RARB: variants seen among roughly 807,000 people sequenced by gnomAD.
RARB encodes the protein retinoic acid receptor beta, also known as HBV-activated protein.
In RARB, 17 loss-of-function variants were observed where a neutral mutation model predicts 51.9. The ratio of observed to expected loss-of-function variants is 0.33; its 90% CI spans 0.22 to 0.49. The LOEUF (loss-of-function observed/expected upper bound fraction) is 0.49. Among genes scored for constraint, RARB ranks in the 20% least tolerant of loss-of-function variants. The pLI, the probability that RARB is intolerant of heterozygous loss-of-function variation, is 0.99. For synonymous variants in RARB, 215 were observed against 195.4 expected (o/e 1.10, Z -0.84); for missense variants, 369 against 550.8 (o/e 0.67, Z 3.30).
At position 25,210,445 on chromosome 3, in the gene RARB, T is replaced by C. The variant is rs1470163587; in HGVS notation, c.178+35870T>C. Among the ~76,000 whole-genome samples, 4 of 152,076 alleles carry C rather than the reference T, an allele frequency of 2.6e-5. No homozygotes were observed. In the East Asian group the frequency reaches 7.7e-4, roughly 29 times the overall value. On this transcript the variant is annotated intron_variant, in intron 5 of 11. Coordinates refer to the RARB transcript ENST00000383772. Reference sequence around the variant, plus strand: ...CCAGCTATGCCCATTCACTTATGTGTTATATATGGGTGTTTTCTCACCACA... The same window carrying C: ...CCAGCTATGCCCATTCACTTATGTGCTATATATGGGTGTTTTCTCACCACA...
intron 5 of RARB, among the ~76,000 whole-genome samples, chr3:25,325,275 G>A (rs574149230): frequency 5.9e-5 from 9 of 152,216 alleles, no homozygotes; most frequent in Admixed American, 1.3e-4. Flanking sequence ...TATAATTTGC[G>A]TGTAATGAGC....
intron 5 of RARB, among the ~76,000 whole-genome samples, chr3:25,314,485 TTG>T (rs1381410795): frequency 9.2e-5 from 14 of 152,306 alleles, no homozygotes; most frequent in African/African-American, 2.4e-4. Context: ...TTTAAGTTTC[TTG>T]TGTTGCAACC....
rs35710364 is a variant in RARB at position 25,156,516 on chromosome 3, C to CAA, written c.-279-17573_-279-17572dup. Among the ~76,000 whole-genome samples, 185 of 56,820 alleles carry CAA rather than the reference C, an allele frequency of 3.3e-3. 29 individuals carry two copies. The highest frequency in any genetic ancestry group is 0.011 in the African/African-American group (143 of 13,580). The allele number at this position is 56,820 out of a possible 152,430, so 37.3% of individuals were successfully genotyped here. ...ATCACACAAATTCTAGCCCCAACTG[C>CAA]AAAAAAAAAAAAAAAAAAAAAAAAA... On this transcript the variant is annotated intron_variant, in intron 4 of 11. Coordinates refer to the RARB transcript ENST00000383772.
At chr3:25,525,201 C>T (rs1344486991) in intron 3 of RARB, among the ~76,000 whole-genome samples, 2 of 152,142 alleles carry the variant, frequency 1.3e-5, no homozygotes, top group Non-Finnish European at 2.9e-5. Flanking sequence ...ATAGAACACT[C>T]AAAGATCTAG....
chr3:25,580,739 G>T lies in RARB; in HGVS notation c.786+17G>T. ...GACATCCTGGTATGTGCCTTTTTGA[G>T]CTCTCAATGGGTCTGGGGAGGGAGA... is the stretch of plus-strand genomic sequence containing the variant. On this transcript the variant is annotated intron_variant, in intron 5 of 7. Transcript: ENST00000330688. The T allele has an allele frequency of 6.3e-7, 1 of 1,589,008 alleles. No individual in the cohort carries two copies. Among genetic ancestry groups the T allele is most frequent in the Non-Finnish European group, 8.6e-7 (1 of 1,160,806 alleles).
intron 5 of RARB, among the ~76,000 whole-genome samples, chr3:25,327,133 G>A (rs1033031752): frequency 3.3e-5 from 5 of 152,114 alleles, no homozygotes; most frequent in African/African-American, 4.8e-5. Context: ...GAGGGAGCAG[G>A]GAAGAGAGAT....
rs181546164 is a variant in RARB at position 25,220,501 on chromosome 3, T to C, written c.178+45926T>C. Among the ~76,000 whole-genome samples the C allele has an allele frequency of 4.4e-3, 676 of 152,294 alleles. 4 individuals carry two copies. Among genetic ancestry groups the C allele is most frequent in the African/African-American group, 0.015 (630 of 41,562 alleles). On this transcript the variant is annotated intron_variant, in intron 5 of 11. Transcript: ENST00000383772. ...ATCTCAAAATTATAATCCCCATAATTCCCACGTATCAAGGGAGAGACCACA... is the reference window on the plus strand; with the variant it reads ...ATCTCAAAATTATAATCCCCATAATCCCCACGTATCAAGGGAGAGACCACA...
At chr3:25,386,577 G>A (rs1290843056) in intron 5 of RARB, among the ~76,000 whole-genome samples, 1 of 152,184 alleles carries the variant, frequency 6.6e-6, no homozygotes, top group East Asian at 1.9e-4. Context: ...CTGGATTCAG[G>A]CGGAGGCCTT....
chr3:25,565,238 T>C, intron 3 of RARB, among the ~76,000 whole-genome samples: 1 of 152,162 alleles, frequency 6.6e-6, no homozygotes, highest in East Asian at 1.9e-4. Context: ...TCAGGCAGGG[T>C]ACTCACCTTC....
At chr3:25,220,858 C>T (rs1701932402) in intron 5 of RARB, among the ~76,000 whole-genome samples, 2 of 152,286 alleles carry the variant, frequency 1.3e-5, no homozygotes, top group African/African-American at 4.8e-5. Context: ...GGCAAGTCAT[C>T]TTTTAAGTGG....
chr3:25,255,990 A>T (rs1252137713), intron 5 of RARB, among the ~76,000 whole-genome samples: 1 of 152,108 alleles, frequency 6.6e-6, no homozygotes, highest in Admixed American at 6.6e-5. Flanking sequence ...AACTATGATT[A>T]TTTGTAACCA....
intron 1 of RARB, among the ~76,000 whole-genome samples, chr3:25,454,738 C>G (rs1233991441): frequency 6.6e-6 from 1 of 151,760 alleles, no homozygotes; most frequent in African/African-American, 2.4e-5. Flanking sequence ...GCTACTTAAT[C>G]TAACCTTTAG....
intron 5 of RARB, among the ~76,000 whole-genome samples, chr3:25,590,515 T>C (rs569723078): frequency 3.3e-5 from 5 of 152,256 alleles, no homozygotes; most frequent in Admixed American, 3.3e-4. Flanking sequence ...GCATACTAAC[T>C]TTGTTGTTGT....
chr3:25,505,918 T>C (rs946052204), intron 3 of RARB, among the ~76,000 whole-genome samples: 3 of 152,088 alleles, frequency 2.0e-5, no homozygotes, highest in African/African-American at 7.2e-5. Context: ...CCAGACAAGC[T>C]TACGGTATAG....
At chr3:25,203,408 A>G (rs926635651) in intron 5 of RARB, among the ~76,000 whole-genome samples, 1 of 152,162 alleles carries the variant, frequency 6.6e-6, no homozygotes, top group Non-Finnish European at 1.5e-5. Flanking sequence ...GTGTCTTTTA[A>G]TTGGAGCATT....
At chr3:24,850,716 C>T (rs1436889131) in intron 1 of RARB, among the ~76,000 whole-genome samples, 12 of 152,164 alleles carry the variant, frequency 7.9e-5, no homozygotes, top group Non-Finnish European at 1.5e-4. Context: ...ACCTGAGAGC[C>T]TGTGCTAAAG....
chr3:25,543,051 G>T (rs1699450404), intron 3 of RARB, among the ~76,000 whole-genome samples: 1 of 152,172 alleles, frequency 6.6e-6, no homozygotes, highest in Non-Finnish European at 1.5e-5. Flanking sequence ...CACTGGTAAT[G>T]TCTGTTGACA....
intron 5 of RARB, among the ~76,000 whole-genome samples, chr3:25,201,587 T>G (rs1023008768): frequency 6.6e-6 from 1 of 152,206 alleles, no homozygotes; most frequent in Non-Finnish European, 1.5e-5. Context: ...TAGCTCTTAT[T>G]ATTTTGAGAT....
At chr3:25,323,271 G>A (rs1015343843) in intron 5 of RARB, among the ~76,000 whole-genome samples, 53 of 152,216 alleles carry the variant, frequency 3.5e-4, no homozygotes, top group African/African-American at 1.1e-3. Flanking sequence ...AGAATGAGGG[G>A]AAATAGACCC....
Sources: allele counts gnomAD v4.1 joint callset (sites outside exome capture counted in the v4.1 genomes callset), GRCh38; gene constraint gnomAD v4.1.1; transcripts MANE v1.5; gene names NCBI Gene and HGNC (gene_info 2026-07-23, HGNC 2026-07-21).